CAMK2D: variants seen among roughly 807,000 people sequenced by gnomAD.
CAMK2D encodes the protein calcium/calmodulin-dependent protein kinase type II subunit delta.
A neutral mutation model predicts 84.0 loss-of-function variants in CAMK2D; 37 were observed. That is an observed-to-expected ratio of 0.44 (90% CI 0.34 to 0.58). The LOEUF is 0.58. CAMK2D is among the 20% of genes least tolerant of loss of function. The probability of loss-of-function intolerance (pLI) is 0.02; values close to 1 mark genes in which losing one functional copy is unlikely to be tolerated. For synonymous variants in CAMK2D, 202 were observed against 212.5 expected, an observed-to-expected ratio of 0.95 and a Z score of 0.43; for missense variants, 448 against 652.5, an observed-to-expected ratio of 0.69 and a Z score of 3.41.
chr4:113,466,089 TG>T (rs908282138), intron 16 of CAMK2D, among the ~76,000 whole-genome samples: 84 of 148,874 alleles, frequency 5.6e-4, no homozygotes, highest in Middle Eastern at 3.4e-3. Flanking sequence ...TCATCTCTAC[TG>T]AAAAAAAAAT....
intron 2 of CAMK2D, among the ~76,000 whole-genome samples, chr4:113,709,746 GATATATATATATATATATATAT>G (rs397995032): frequency 0.011 from 529 of 49,812 alleles, 88 homozygotes; most frequent in African/African-American, 0.054. Context: ...AGCCGTGAAC[GATATATATATATATATATATAT>G]ATATATATAT....
At chr4:113,563,167 T>C (rs1048665553) in intron 4 of CAMK2D, among the ~76,000 whole-genome samples, 2 of 152,038 alleles carry the variant, frequency 1.3e-5, no homozygotes, top group Admixed American at 1.3e-4. Context: ...GGCAGGACAA[T>C]TGCTTGAACC....
chr4:113,459,429 T>C (rs1456680971), intron 18 of CAMK2D, among the ~76,000 whole-genome samples: 2 of 151,986 alleles, frequency 1.3e-5, no homozygotes, highest in Non-Finnish European at 2.9e-5. Flanking sequence ...ATGTTGCTCA[T>C]ACTGGTCTTG....
chr4:113,560,263 T>G (rs2154210459), intron 4 of CAMK2D, among the ~76,000 whole-genome samples: 1 of 152,178 alleles, frequency 6.6e-6, no homozygotes, highest in Admixed American at 6.5e-5. Context: ...TACAAATAGC[T>G]TCATGGAGAG....
At chr4:113,575,259 G>A (rs1311004397) in intron 4 of CAMK2D, among the ~76,000 whole-genome samples, 2 of 152,132 alleles carry the variant, frequency 1.3e-5, no homozygotes, top group Non-Finnish European at 2.9e-5. Context: ...GTGTCTGTAT[G>A]ATAAATTGCA....
At chr4:113,514,405 C>CTCTG (rs1186781096) in intron 10 of CAMK2D, among the ~76,000 whole-genome samples, 1 of 152,068 alleles carries the variant, frequency 6.6e-6, no homozygotes, top group African/African-American at 2.4e-5. Flanking sequence ...AAGAGCAAGA[C>CTCTG]TCTGTCTCAA....
At position 113,761,209 on chromosome 4, in the gene CAMK2D, G is replaced by C. The variant is rs968712887; in HGVS notation, c.-141C>G. 28 of 1,543,560 alleles carry C rather than the reference G, an allele frequency of 1.8e-5. No individual in the cohort carries two copies. The African/African-American group carries it at 3.3e-4, about 18-fold the overall frequency. On this transcript the variant is annotated 5_prime_UTR_variant, in exon 1 of 21. Coordinates refer to ENST00000511664, the MANE Select transcript of CAMK2D (RefSeq NM_001321571.2). ...TGGTCCGAAAGTAGCTCGCCCGCGA[G>C]GGAGTGTGCGCAGGGGCGGGGCGGG...
intron 2 of CAMK2D, among the ~76,000 whole-genome samples, chr4:113,720,494 A>G (rs1045570653): frequency 1.3e-5 from 2 of 151,970 alleles, no homozygotes; most frequent in Admixed American, 1.3e-4. Flanking sequence ...TAAAAGTGGG[A>G]ATGCATTAAA....
intron 3 of CAMK2D, among the ~76,000 whole-genome samples, chr4:113,628,710 A>C (rs898545353): frequency 1.3e-5 from 2 of 152,172 alleles, no homozygotes; most frequent in Non-Finnish European, 2.9e-5. Flanking sequence ...GAAAAATGAA[A>C]AGAATGCCCT....
chr4:113,643,804 T>G (rs2099141392), intron 3 of CAMK2D, among the ~76,000 whole-genome samples: 2 of 152,210 alleles, frequency 1.3e-5, no homozygotes, highest in Admixed American at 1.3e-4. Flanking sequence ...GCCAACAAGT[T>G]CAGAGTTGTA....
intron 3 of CAMK2D, among the ~76,000 whole-genome samples, chr4:113,642,060 A>C (rs574529745): frequency 2.6e-5 from 4 of 152,074 alleles, no homozygotes; most frequent in Non-Finnish European, 5.9e-5. Context: ...AAATAAAACA[A>C]GCAAACAAAA....
chr4:113,488,241 G>T (rs1243526728), intron 16 of CAMK2D, among the ~76,000 whole-genome samples: 1 of 152,076 alleles, frequency 6.6e-6, no homozygotes, highest in African/African-American at 2.4e-5. Context: ...CAACATTTAT[G>T]TAACTATATT....
intron 6 of CAMK2D, among the ~76,000 whole-genome samples, chr4:113,539,019 G>T (rs1479209679): frequency 6.6e-6 from 1 of 152,112 alleles, no homozygotes; most frequent in Non-Finnish European, 1.5e-5. Flanking sequence ...GAATATAAAA[G>T]ACTTTTATGC....
At chr4:113,517,232 T>C (rs62314982) in intron 9 of CAMK2D, among the ~76,000 whole-genome samples, 5,196 of 152,204 alleles carry the variant, frequency 0.034, 136 homozygotes, top group Non-Finnish European at 0.057. Flanking sequence ...TTTGAGAATA[T>C]AATTCAACTA....
intron 3 of CAMK2D, among the ~76,000 whole-genome samples, chr4:113,618,414 A>G (rs1003759914): frequency 2.6e-5 from 4 of 152,184 alleles, no homozygotes; most frequent in Non-Finnish European, 4.4e-5. Context: ...GTAACTTACT[A>G]CCATATTATC....
chr4:113,543,460 A>T (rs2154192708), intron 6 of CAMK2D, among the ~76,000 whole-genome samples: 1 of 151,188 alleles, frequency 6.6e-6, no homozygotes, highest in East Asian at 1.9e-4. Flanking sequence ...GCCTCAAGCA[A>T]TCCTCTTGCC....
chr4:113,646,312 G>A (rs2099151825), intron 3 of CAMK2D, among the ~76,000 whole-genome samples: 1 of 152,136 alleles, frequency 6.6e-6, no homozygotes, highest in Non-Finnish European at 1.5e-5. Flanking sequence ...TCTACGGCAG[G>A]TGCTTTTTTA....
At position 113,510,910 on chromosome 4, in the gene CAMK2D, C is replaced by T. The variant is rs556870953; in HGVS notation, c.947-1235G>A. Among the ~76,000 whole-genome samples the T allele has an allele frequency of 3.3e-5, 5 of 152,122 alleles. No individual in the cohort carries two copies. The East Asian group carries it at 9.6e-4, about 29-fold the overall frequency. On this transcript the variant is annotated intron_variant, in intron 12 of 20. Coordinates refer to ENST00000511664, the MANE Select transcript of CAMK2D (RefSeq NM_001321571.2). Reference sequence around the variant, plus strand: ...TAATTGAGATTGTAAGAAATAGTTGCCTTAGCCATTATATTGTTTGCCTGG... The same window carrying T: ...TAATTGAGATTGTAAGAAATAGTTGTCTTAGCCATTATATTGTTTGCCTGG...
intron 2 of CAMK2D, among the ~76,000 whole-genome samples, chr4:113,663,403 T>A (rs1430834293): frequency 6.6e-6 from 1 of 151,890 alleles, no homozygotes; most frequent in Admixed American, 6.6e-5. Flanking sequence ...CTGGCCAACA[T>A]GGCAAAATCT....
Sources: allele counts gnomAD v4.1 joint callset (sites outside exome capture counted in the v4.1 genomes callset), GRCh38; gene constraint gnomAD v4.1.1; transcripts MANE v1.5; gene names NCBI Gene and HGNC (gene_info 2026-07-23, HGNC 2026-07-21).